The following UGT2B4 variants were observed in gnomAD, a reference collection of about 807,000 sequenced individuals.
UGT2B4 encodes UDP glucuronosyltransferase family 2 member B4.
In UGT2B4, 49 loss-of-function variants were observed where a neutral mutation model predicts 49.8. The ratio of observed to expected loss-of-function variants is 0.98; its 90% CI spans 0.78 to 1.25. UGT2B4 has a LOEUF of 1.25. Among genes scored for constraint, UGT2B4 ranks in the 50% most tolerant of loss-of-function variants. The pLI is 0.00. For synonymous variants in UGT2B4, 246 were observed against 217.7 expected, an observed-to-expected ratio of 1.13 and a Z score of -1.14; for missense variants, 729 against 627.7, an observed-to-expected ratio of 1.16 and a Z score of -1.73.
At chr4:69,523,036 C>G (rs984529584) in intron 1 of UGT2B4, among the ~76,000 whole-genome samples, 2 of 152,180 alleles carry the variant, frequency 1.3e-5, no homozygotes, top group Non-Finnish European at 2.9e-5. Context: ...TCTTCAGGCT[C>G]TAATCCTAGT....
At chr4:69,513,049 T>C (rs953356291) in intron 1 of UGT2B4, among the ~76,000 whole-genome samples, 2 of 152,368 alleles carry the variant, frequency 1.3e-5, no homozygotes, top group South Asian at 4.1e-4. Context: ...TTCACGCTGA[T>C]GGTAGTTTCT....
At chr4:69,509,625 C>A (rs2109826712) in intron 1 of UGT2B4, among the ~76,000 whole-genome samples, 1 of 152,198 alleles carries the variant, frequency 6.6e-6, no homozygotes, top group South Asian at 2.1e-4. Context: ...AGCTGATTGG[C>A]CATGTGTGTA....
chr4:69,481,809 T>C (rs186264485), intron 5 of UGT2B4, among the ~76,000 whole-genome samples: 19 of 152,340 alleles, frequency 1.2e-4, no homozygotes, highest in Admixed American at 3.9e-4. Flanking sequence ...AATTGTGTCA[T>C]GTGGGTGAAA....
chr4:69,493,059 A>G (rs1303331163), intron 2 of UGT2B4, among the ~76,000 whole-genome samples: 2 of 152,136 alleles, frequency 1.3e-5, no homozygotes, highest in Non-Finnish European at 2.9e-5. Flanking sequence ...TATCAGCATC[A>G]TCTGATTCTT....
chr4:69,480,339 T>G lies in UGT2B4; in HGVS notation c.*295A>C, dbSNP rs1051752. On this transcript the variant is annotated 3_prime_UTR_variant, in exon 6 of 6. Transcript: ENST00000305107. ...GACATGTAGTTAAGCTTAGTAAATT[T>G]TTTTTCATGTAACCTGTGAATTGGA... The G allele has an allele frequency of 0.018, 5,239 of 294,142 alleles. 242 individuals carry two copies. Among genetic ancestry groups the G allele is most frequent in the African/African-American group, 0.1 (4,795 of 46,150 alleles). 18.2% of individuals were successfully genotyped at this position (294,142 alleles called of 1,614,324 possible). A position where few individuals can be genotyped will look rare whatever the true frequency, so the allele number is the denominator to read the frequency against.
chr4:69,502,147 T>C (rs868566401), intron 1 of UGT2B4, among the ~76,000 whole-genome samples: 1 of 106,090 alleles, frequency 9.4e-6, no homozygotes, highest in African/African-American at 3.7e-5. Context: ...CTTTCTTTCT[T>C]TCTCTTTCTT....
intron 1 of UGT2B4, among the ~76,000 whole-genome samples, chr4:69,511,365 T>C (rs757214730): frequency 6.6e-6 from 1 of 152,182 alleles, no homozygotes; most frequent in Non-Finnish European, 1.5e-5. Flanking sequence ...ATTCATAAAC[T>C]ATTGTTCAGT....
chr4:69,487,344 A>T (rs2109806493), intron 3 of UGT2B4, among the ~76,000 whole-genome samples: 2 of 152,352 alleles, frequency 1.3e-5, no homozygotes, highest in South Asian at 4.1e-4. Flanking sequence ...AAATCAATCT[A>T]AATGCCCATC....
At chr4:69,520,698 C>A (rs990620388) in intron 1 of UGT2B4, among the ~76,000 whole-genome samples, 16 of 152,218 alleles carry the variant, frequency 1.1e-4, no homozygotes, top group African/African-American at 3.4e-4. Context: ...CCCCTCCAGA[C>A]TTTGAGCACA....
chr4:69,523,504 T>A (rs891204288), intron 1 of UGT2B4, among the ~76,000 whole-genome samples: 2 of 151,848 alleles, frequency 1.3e-5, no homozygotes, highest in Admixed American at 6.6e-5. Context: ...GAGCAATAGA[T>A]CTCAATACTG....
intron 2 of UGT2B4, 42 bp from the exon 3 acceptor site, chr4:69,489,612 G>A (rs950286615): frequency 1.3e-6 from 2 of 1,563,564 alleles, no homozygotes; most frequent in Admixed American, 2.1e-5. Flanking sequence ...TAGATTATCA[G>A]CACAGCAAGC....
At chr4:69,493,942 A>T (rs970439702) in intron 1 of UGT2B4, 101 bp from the exon 2 acceptor site, 4 of 1,360,936 alleles carry the variant, frequency 2.9e-6, no homozygotes, top group Non-Finnish European at 4.0e-6. Flanking sequence ...ATGTAGGCAA[A>T]GTGTTTGTGC....
intron 2 of UGT2B4, among the ~76,000 whole-genome samples, chr4:69,491,349 C>G (rs930697333): frequency 6.6e-6 from 1 of 151,624 alleles, no homozygotes; most frequent in African/African-American, 2.4e-5. Flanking sequence ...TGTTTGATTA[C>G]TTTTGATGTT....
upstream of UGT2B4, among the ~76,000 whole-genome samples, chr4:69,496,152 C>T (rs568836015): frequency 6.6e-6 from 1 of 152,098 alleles, no homozygotes; most frequent in African/African-American, 2.4e-5. Context: ...TCCTGAGTAG[C>T]TGGGACTACA....
intron 1 of UGT2B4, among the ~76,000 whole-genome samples, chr4:69,524,956 A>G (rs1179865356): frequency 6.6e-6 from 1 of 152,244 alleles, no homozygotes; most frequent in Non-Finnish European, 1.5e-5. Context: ...GAGTAGAATG[A>G]GAAAAGGTCA....
In UGT2B4 at chr4:69,511,484, A is replaced by C. The variant is rs79639310; in HGVS notation, c.-106+14203T>G. ...ATTTTTGTATGTTCAACAATCCTTCATTCTAGGGATAAATTTCATTTAGTC... is the reference window on the plus strand; with the variant it reads ...ATTTTTGTATGTTCAACAATCCTTCCTTCTAGGGATAAATTTCATTTAGTC... On this transcript the variant is annotated intron_variant, in intron 1 of 1. Coordinates refer to the UGT2B4 transcript ENST00000510114. Among the ~76,000 whole-genome samples, 87 of 152,204 alleles carry C rather than the reference A, an allele frequency of 5.7e-4. 1 individual carries two copies. The highest frequency in any genetic ancestry group is 6.8e-3 in the Middle Eastern group (2 of 294).
intron 1 of UGT2B4, among the ~76,000 whole-genome samples, chr4:69,501,329 C>G (rs1160558230): frequency 1.3e-5 from 2 of 152,128 alleles, no homozygotes; most frequent in African/African-American, 4.8e-5. Flanking sequence ...AAGCAGGTTC[C>G]AGATCCTGTT....
intron 1 of UGT2B4, among the ~76,000 whole-genome samples, chr4:69,512,959 G>C (rs1402657920): frequency 1.3e-5 from 2 of 152,090 alleles, no homozygotes; most frequent in Non-Finnish European, 2.9e-5. Flanking sequence ...ATTTGTTTAA[G>C]TTCCTTGTAG....
chr4:69,500,821 AGT>A (rs1269882012), upstream of UGT2B4, among the ~76,000 whole-genome samples: 1 of 152,102 alleles, frequency 6.6e-6, no homozygotes, highest in Non-Finnish European at 1.5e-5. Flanking sequence ...CGGGTCAGGA[AGT>A]CCCCTCATGA....
Sources: gnomAD v4.1 joint callset for allele counts (sites outside exome capture counted in the v4.1 genomes callset) on GRCh38, gnomAD v4.1.1 for gene constraint, MANE v1.5 for transcripts, NCBI Gene and HGNC (gene_info 2026-07-23, HGNC 2026-07-21) for gene names.